Variants in LIMCH1 observed in about 807,000 individuals in gnomAD.
LIMCH1 encodes the protein LIM and calponin homology domains 1.
A neutral mutation model predicts 176.5 loss-of-function variants in LIMCH1; 113 were observed. The observed-to-expected ratio is 0.64, with a 90% CI of 0.55 to 0.75. The LOEUF is 0.75. Among genes scored for constraint, LIMCH1 ranks in the 30% least tolerant of loss-of-function variants. The pLI, the probability that LIMCH1 is intolerant of heterozygous loss-of-function variation, is 0.00. For missense variants in LIMCH1, 1,674 were observed against 1,814.9 expected (o/e 0.92, Z 1.41); for synonymous variants, 619 against 645.9 (o/e 0.96, Z 0.63).
chr4:41,457,094 C>T (rs1430649101), intron 1 of LIMCH1, among the ~76,000 whole-genome samples: 2 of 152,092 alleles, frequency 1.3e-5, no homozygotes, highest in East Asian at 3.9e-4. Flanking sequence ...TGGTTAGATA[C>T]AGAGAAAATG....
At chr4:41,579,491 C>T (rs551700097) in intron 1 of LIMCH1, among the ~76,000 whole-genome samples, 4 of 152,342 alleles carry the variant, frequency 2.6e-5, no homozygotes, top group South Asian at 2.1e-4. Flanking sequence ...AAATGGCACA[C>T]TGTGTCAGAT....
chr4:41,446,192 A>C (rs539885133), intron 1 of LIMCH1, among the ~76,000 whole-genome samples: 58 of 152,192 alleles, frequency 3.8e-4, no homozygotes, highest in African/African-American at 1.3e-3. Context: ...CTATTCTGCT[A>C]GTCGTTGGTT....
chr4:41,533,596 A>G (rs1464976039), upstream of LIMCH1, among the ~76,000 whole-genome samples: 2 of 152,242 alleles, frequency 1.3e-5, no homozygotes, highest in African/African-American at 4.8e-5. Flanking sequence ...CTTGCCTTCC[A>G]AGTAAAAATC....
chr4:41,668,209 A>G (rs1229091075), intron 21 of LIMCH1, among the ~76,000 whole-genome samples: 2 of 152,182 alleles, frequency 1.3e-5, no homozygotes, highest in Non-Finnish European at 2.9e-5. Context: ...GTTGGGTTTT[A>G]TCTACATAAC....
chr4:41,500,025 A>G lies in LIMCH1; in HGVS notation c.167+5419A>G, dbSNP rs937734115. 2.6e-5 allele frequency among the ~76,000 whole-genome samples: 4 copies of G among 152,322 alleles called. No homozygotes were observed. In the East Asian group the frequency reaches 7.7e-4, roughly 29 times the overall value. On this transcript the variant is annotated intron_variant, in intron 2 of 26. Coordinates refer to the LIMCH1 transcript ENST00000313860. ...TAATTTCTTCCTCATGGTTAAATCCAGGTTAGACAGTTATAGCAAGACCAC... is the reference window on the plus strand; with the variant it reads ...TAATTTCTTCCTCATGGTTAAATCCGGGTTAGACAGTTATAGCAAGACCAC...
At chr4:41,503,892 C>T (rs1373943881) in intron 2 of LIMCH1, among the ~76,000 whole-genome samples, 5 of 152,150 alleles carry the variant, frequency 3.3e-5, no homozygotes, top group African/African-American at 7.2e-5. Flanking sequence ...GCTGATGCTT[C>T]CAGGAGCTGC....
Position 41,620,638 on chromosome 4 carries a change from A to C in LIMCH1, c.673A>C (p.Arg225=). 6.5e-7 allele frequency: 1 copy of C among 1,536,178 alleles called. No homozygotes were observed. The highest frequency in any genetic ancestry group is 8.7e-7 in the Non-Finnish European group (1 of 1,146,906). ...KDAAEIQKRK[R]LEQAGIKVMP... ...TGCTGCTGAGATCCAAAAGCGCAAA[A>C]GGCTAGAGCAAGCTGGAATCAAGGT... Residue 225 remains arginine (R), a synonymous_variant, in exon 7 of 32, where the codon AGG becomes CGG. Coordinates refer to ENST00000503057, the MANE Select transcript of LIMCH1 (RefSeq NM_001330672.2).
At chr4:41,571,604 C>T (rs917025089) in intron 1 of LIMCH1, among the ~76,000 whole-genome samples, 10 of 152,176 alleles carry the variant, frequency 6.6e-5, no homozygotes, top group African/African-American at 1.9e-4. Flanking sequence ...TATAAGGGAG[C>T]CAACATGTTC....
chr4:41,621,140 C>T (rs976113544), intron 7 of LIMCH1, among the ~76,000 whole-genome samples: 1 of 152,192 alleles, frequency 6.6e-6, no homozygotes, highest in African/African-American at 2.4e-5. Context: ...ACAAAATCCA[C>T]TTACTTTCTT....
intron 1 of LIMCH1, chr4:41,361,074 C>G (rs1324741401): frequency 9.2e-6 from 5 of 546,178 alleles, no homozygotes; most frequent in Non-Finnish European, 1.6e-5. Flanking sequence ...GGTCACCCCC[C>G]CGGGCCTCGG....
intron 1 of LIMCH1, among the ~76,000 whole-genome samples, chr4:41,565,386 CACACACACACAG>C (rs1561770039): frequency 7.2e-6 from 1 of 139,634 alleles, no homozygotes; most frequent in African/African-American, 2.7e-5. Context: ...CACACACATA[CACACACACACAG>C]ACACACACAC....
intron 1 of LIMCH1, among the ~76,000 whole-genome samples, chr4:41,369,837 G>A (rs1014055583): frequency 4.6e-5 from 7 of 151,690 alleles, no homozygotes; most frequent in African/African-American, 1.5e-4. Context: ...CTGCCTGAGC[G>A]CTTTCTCAGT....
At chr4:41,652,010 C>CCAGA (rs2094317491) in intron 18 of LIMCH1, among the ~76,000 whole-genome samples, 1 of 152,138 alleles carries the variant, frequency 6.6e-6, no homozygotes, top group African/African-American at 2.4e-5. Flanking sequence ...TTTGTACTCA[C>CCAGA]CAGAGGCTGA....
rs140548111 is a variant in LIMCH1 at position 41,612,219 on chromosome 4, A to G, written c.10-1247A>G. 9.0e-3 allele frequency: 2,334 copies of G among 259,106 alleles called. 17 individuals are homozygous for G. The highest frequency in any genetic ancestry group is 0.014 in the Admixed American group (284 of 19,838). 16.1% of individuals were successfully genotyped at this position (259,106 alleles called of 1,614,324 possible). ...AGGGCCTCCTGCTGCGGAGTATGTC[A>G]GAGGCTCAGGATATAATTGATAGAA... On this transcript the variant is annotated intron_variant, in intron 4 of 31. Coordinates refer to ENST00000503057, the MANE Select transcript of LIMCH1 (RefSeq NM_001330672.2).
chr4:41,448,402 A>G (rs938801406), intron 1 of LIMCH1, among the ~76,000 whole-genome samples: 1 of 152,182 alleles, frequency 6.6e-6, no homozygotes, highest in Non-Finnish European at 1.5e-5. Flanking sequence ...CTGCAGTTAC[A>G]TTATACCTGC....
chr4:41,504,643 G>A (rs2073906767), intron 2 of LIMCH1, among the ~76,000 whole-genome samples: 1 of 152,220 alleles, frequency 6.6e-6, no homozygotes, highest in South Asian at 2.1e-4. Context: ...GCAAAGCCAA[G>A]TTTCAGTGAG....
chr4:41,690,253 G>T (rs1188901698), intron 30 of LIMCH1, among the ~76,000 whole-genome samples: 5 of 152,116 alleles, frequency 3.3e-5, no homozygotes, highest in Non-Finnish European at 5.9e-5. Flanking sequence ...CTCCGTAAGG[G>T]CAGGGACCAT....
rs560042064 is a variant in LIMCH1 at position 41,677,311 on chromosome 4, G to A, written c.3519+849G>A. Among the ~76,000 whole-genome samples the A allele has an allele frequency of 2.6e-5, 4 of 152,222 alleles. No homozygotes were observed. In the South Asian group the frequency reaches 8.3e-4, roughly 32 times the overall value. ...CTGTAATCCCAGCTAGGGAGGCTGA[G>A]ACAGGAGAATTGTTTGAACCCGTGA... On this transcript the variant is annotated intron_variant, in intron 23 of 31. Transcript: ENST00000503057.
chr4:41,460,476 A>ATATATC (rs965621988), intron 1 of LIMCH1, among the ~76,000 whole-genome samples: 1 of 142,664 alleles, frequency 7.0e-6, no homozygotes, highest in East Asian at 2.0e-4. Context: ...ATATATATAT[A>ATATATC]TATCTTATAA....
Sources: gnomAD v4.1 joint callset for allele counts (sites outside exome capture counted in the v4.1 genomes callset) on GRCh38, gnomAD v4.1.1 for gene constraint, MANE v1.5 for transcripts, NCBI Gene and HGNC (gene_info 2026-07-23, HGNC 2026-07-21) for gene names.